PDE4D: variants seen among roughly 807,000 people sequenced by gnomAD.
PDE4D encodes the protein phosphodiesterase 4D, also known as 3',5'-cyclic-AMP phosphodiesterase 4D.
Under a neutral mutation model 87.4 loss-of-function variants are expected in PDE4D, and 24 were observed. The ratio of observed to expected loss-of-function variants is 0.27; its 90% CI spans 0.20 to 0.39. The LOEUF is 0.39. Among genes scored for constraint, PDE4D ranks in the 10% least tolerant of loss-of-function variants. PDE4D has a pLI of 1.00. For synonymous variants in PDE4D, 384 were observed against 383.2 expected, an observed-to-expected ratio of 1.00 and a Z score of -0.02; for missense variants, 714 against 1,041.0, an observed-to-expected ratio of 0.69 and a Z score of 4.32.
chr5:60,065,684 G>A (rs553856235), intron 2 of PDE4D, among the ~76,000 whole-genome samples: 30 of 151,882 alleles, frequency 2.0e-4, no homozygotes, highest in Admixed American at 5.3e-4. Flanking sequence ...GAGAATATGC[G>A]TGTTTGCTTT....
chr5:60,447,475 A>T (rs1284349640), intron 1 of PDE4D, among the ~76,000 whole-genome samples: 1 of 152,102 alleles, frequency 6.6e-6, no homozygotes, highest in Non-Finnish European at 1.5e-5. Context: ...CAGACAAGAG[A>T]TTCATCAGAA....
At chr5:59,216,108 T>C (rs1173510161) in intron 1 of PDE4D, 140 bp from the exon 2 acceptor site, 8 of 625,828 alleles carry the variant, frequency 1.3e-5, no homozygotes, top group Non-Finnish European at 2.2e-5. Flanking sequence ...CATAAAAATA[T>C]GATAATATTG....
chr5:59,889,377 A>G (rs1168390035), intron 1 of PDE4D, among the ~76,000 whole-genome samples: 1 of 152,016 alleles, frequency 6.6e-6, no homozygotes, highest in East Asian at 1.9e-4. Flanking sequence ...GCACTTTGGG[A>G]GTCTGAGGCA....
intron 1 of PDE4D, among the ~76,000 whole-genome samples, chr5:59,627,611 A>ACACATTGGAGTATGTGCTATACTTCAAGG (rs1291696462): frequency 1.3e-5 from 2 of 152,206 alleles, no homozygotes; most frequent in African/African-American, 4.8e-5. Flanking sequence ...GGATTCAGTA[A>ACACATTGGAGTATGTGCTATACTTCAAGG]CACATTGGAG....
intron 3 of PDE4D, among the ~76,000 whole-genome samples, chr5:59,959,988 A>G (rs1402287280): frequency 2.0e-5 from 3 of 152,186 alleles, no homozygotes; most frequent in Non-Finnish European, 4.4e-5. Flanking sequence ...AGAAACTTAT[A>G]CAAATCAATA....
intron 6 of PDE4D, among the ~76,000 whole-genome samples, chr5:59,030,361 A>G (rs7729722): frequency 0.1 from 15,696 of 149,702 alleles, 1,272 homozygotes; most frequent in East Asian, 0.47. Flanking sequence ...TTAAAATTAG[A>G]CAAAGGATCT....
At chr5:59,580,935 T>A (rs1033391397) in intron 1 of PDE4D, among the ~76,000 whole-genome samples, 3 of 152,164 alleles carry the variant, frequency 2.0e-5, no homozygotes, top group Non-Finnish European at 4.4e-5. Context: ...GACTCTAGAT[T>A]ATCTATCCTT....
chr5:59,883,334 C>T (rs561301613), intron 1 of PDE4D, among the ~76,000 whole-genome samples: 9 of 152,300 alleles, frequency 5.9e-5, no homozygotes, highest in African/African-American at 1.7e-4. Context: ...AGAGGCTGAA[C>T]GTGGGATACA....
intron 1 of PDE4D, among the ~76,000 whole-genome samples, chr5:59,305,559 C>T (rs1771162046): frequency 1.3e-5 from 2 of 152,074 alleles, no homozygotes; most frequent in Admixed American, 1.3e-4. Flanking sequence ...TTCCTCTTAG[C>T]ACCACCTTTG....
At chr5:60,009,928 A>C (rs1021760213) in intron 2 of PDE4D, among the ~76,000 whole-genome samples, 4 of 152,052 alleles carry the variant, frequency 2.6e-5, no homozygotes, top group Admixed American at 1.3e-4. Context: ...AGATAATTTA[A>C]ATTTTGGTTA....
At chr5:59,900,980 T>A (rs1752199575) in intron 3 of PDE4D, among the ~76,000 whole-genome samples, 1 of 152,184 alleles carries the variant, frequency 6.6e-6, no homozygotes, top group Non-Finnish European at 1.5e-5. Context: ...TTAAATCACT[T>A]AAGAAAATGT....
At chr5:60,320,259 G>A (rs7711302) in intron 1 of PDE4D, among the ~76,000 whole-genome samples, 8,380 of 152,300 alleles carry the variant, frequency 0.055, 777 homozygotes, top group African/African-American at 0.19. Flanking sequence ...GCAAGGCTCC[G>A]TGGGCATAGG....
intron 1 of PDE4D, among the ~76,000 whole-genome samples, chr5:59,436,258 T>G (rs1350953088): frequency 6.6e-6 from 1 of 152,140 alleles, no homozygotes; most frequent in East Asian, 1.9e-4. Context: ...TTAACTATCA[T>G]GAAGGTCATC....
intron 1 of PDE4D, among the ~76,000 whole-genome samples, chr5:60,254,355 G>A (rs901866025): frequency 1.3e-5 from 2 of 151,830 alleles, no homozygotes; most frequent in Admixed American, 6.6e-5. Context: ...TTAGAAATAC[G>A]TTGTTCTGTT....
intron 2 of PDE4D, among the ~76,000 whole-genome samples, chr5:60,133,077 A>G (rs1232741561): frequency 6.6e-6 from 1 of 152,184 alleles, no homozygotes; most frequent in Non-Finnish European, 1.5e-5. Flanking sequence ...TTTCCACATA[A>G]AAAGGCATCA....
At chr5:59,012,709 CT>C (rs1331794872) in intron 6 of PDE4D, among the ~76,000 whole-genome samples, 1 of 152,138 alleles carries the variant, frequency 6.6e-6, no homozygotes, top group African/African-American at 2.4e-5. Flanking sequence ...TAATGGGAGA[CT>C]TTAACACCCC....
chr5:59,059,093 G>A (rs898003291), intron 5 of PDE4D, among the ~76,000 whole-genome samples: 6 of 152,090 alleles, frequency 3.9e-5, no homozygotes, highest in Non-Finnish European at 5.9e-5. Context: ...GCAATTCAGC[G>A]GGTTCCTTTT....
At chr5:59,544,613 C>T (rs1816941917) in intron 1 of PDE4D, among the ~76,000 whole-genome samples, 1 of 152,196 alleles carries the variant, frequency 6.6e-6, no homozygotes, top group Admixed American at 6.5e-5. Context: ...TAAATTCCTA[C>T]AATCACATAG....
intron 1 of PDE4D, among the ~76,000 whole-genome samples, chr5:59,301,403 A>G (rs1770225372): frequency 6.6e-6 from 1 of 152,132 alleles, no homozygotes; most frequent in Non-Finnish European, 1.5e-5. Flanking sequence ...CACTATTTAA[A>G]AGCCAGATAT....
Sources: allele counts gnomAD v4.1 joint callset (sites outside exome capture counted in the v4.1 genomes callset), GRCh38; gene constraint gnomAD v4.1.1; transcripts MANE v1.5; gene names NCBI Gene and HGNC (gene_info 2026-07-23, HGNC 2026-07-21).